Variants in GPR89B observed in about 807,000 individuals in gnomAD.
GPR89B encodes G protein-coupled receptor 89B.
GPR89B carries 25 observed loss-of-function variants against 52.4 expected under a neutral mutation model. The observed-to-expected ratio is 0.48, with a 90% CI of 0.35 to 0.67. GPR89B has a LOEUF of 0.67. Ranked by LOEUF, GPR89B falls within the 30% of genes least tolerant of loss-of-function variation. The pLI, the probability that GPR89B is intolerant of heterozygous loss-of-function variation, is 0.01. For missense variants in GPR89B, 146 were observed against 450.2 expected (o/e 0.32, Z 6.11); for synonymous variants, 52 against 151.2 (o/e 0.34, Z 4.81).
intron 5 of GPR89B, among the ~76,000 whole-genome samples, chr1:147,949,502 C>T (rs1655346950): frequency 7.9e-6 from 1 of 126,786 alleles, no homozygotes; most frequent in Non-Finnish European, 1.6e-5. Flanking sequence ...AGGGGCTCCT[C>T]ACTTCCCAGT....
intron 7 of GPR89B, among the ~76,000 whole-genome samples, chr1:147,960,773 AC>A (rs1656477180): frequency 6.7e-6 from 1 of 148,994 alleles, no homozygotes; most frequent in African/African-American, 2.5e-5. Flanking sequence ...AATCACTTGA[AC>A]CCAGGAGGCA....
intron 7 of GPR89B, among the ~76,000 whole-genome samples, chr1:147,959,199 C>T (rs1156656086): frequency 3.9e-5 from 6 of 152,070 alleles, no homozygotes; most frequent in African/African-American, 7.3e-5. Context: ...AAGAGGCATA[C>T]GTCTTCCTGT....
the GPR89B span, among the ~76,000 whole-genome samples, chr1:148,020,573 T>C: frequency 6.6e-6 from 1 of 151,074 alleles, no homozygotes. Context: ...CTGTGGGTTT[T>C]ACATTTACTT....
chr1:147,932,041 TG>T (rs1423585026), intron 1 of GPR89B, among the ~76,000 whole-genome samples: 1 of 152,202 alleles, frequency 6.6e-6, no homozygotes, highest in African/African-American at 2.4e-5. Flanking sequence ...TTAAAATTTT[TG>T]CTTGTTTTCT....
At chr1:147,947,896 T>C (rs1655113771) in intron 5 of GPR89B, among the ~76,000 whole-genome samples, 1 of 152,086 alleles carries the variant, frequency 6.6e-6, no homozygotes, top group Non-Finnish European at 1.5e-5. Flanking sequence ...GCAAGTAGAA[T>C]AACAGAATTT....
intron 10 of GPR89B, among the ~76,000 whole-genome samples, chr1:147,978,008 C>G (rs1260257883): frequency 1.3e-5 from 2 of 151,736 alleles, no homozygotes; most frequent in East Asian, 3.9e-4. Flanking sequence ...ATCTCAGCCT[C>G]AGCCTCAGCC....
intron 10 of GPR89B, among the ~76,000 whole-genome samples, chr1:147,971,476 T>C (rs1657464161): frequency 6.8e-6 from 1 of 146,286 alleles, no homozygotes; most frequent in Admixed American, 6.8e-5. Context: ...TTTTTTTTTT[T>C]TTTTTTTTTT....
At chr1:147,936,467 C>T (rs1654096912) in intron 1 of GPR89B, among the ~76,000 whole-genome samples, 160 bp from the exon 2 acceptor site, 1 of 152,214 alleles carries the variant, frequency 6.6e-6, no homozygotes, top group African/African-American at 2.4e-5. Flanking sequence ...TTTCCAATGT[C>T]ATGAGCTTTA....
At chr1:147,951,245 C>A (rs1553251002) in intron 5 of GPR89B, among the ~76,000 whole-genome samples, 2 of 151,618 alleles carry the variant, frequency 1.3e-5, no homozygotes, top group Admixed American at 6.6e-5. Context: ...TAATATCTAC[C>A]TCATAGGATT....
chr1:148,019,720 C>T, the GPR89B span, among the ~76,000 whole-genome samples: 14 of 152,044 alleles, frequency 9.2e-5, no homozygotes, highest in East Asian at 2.7e-3. Context: ...AAGTAAACAG[C>T]AAAAGAACGC....
At chr1:147,984,263 C>T (rs1313025584) in intron 10 of GPR89B, among the ~76,000 whole-genome samples, 11 of 151,634 alleles carry the variant, frequency 7.3e-5, no homozygotes, top group East Asian at 1.9e-4. Flanking sequence ...ACCAGCATGT[C>T]ACATGTATAC....
chr1:147,998,669 C>T, the GPR89B span, among the ~76,000 whole-genome samples: 1 of 151,030 alleles, frequency 6.6e-6, no homozygotes, highest in African/African-American at 2.4e-5. Flanking sequence ...CACTTGAGGT[C>T]AGGAGTTCGA....
intron 12 of GPR89B, 52 bp from the exon 13 acceptor site, chr1:147,992,450 G>A: frequency 3.1e-6 from 5 of 1,593,204 alleles, no homozygotes; most frequent in Non-Finnish European, 3.4e-6. Context: ...TACTGTTCGT[G>A]ACACAGGAAT....
chr1:147,942,928 CTG>C (rs1446597154), intron 3 of GPR89B, among the ~76,000 whole-genome samples: 5 of 70,264 alleles, frequency 7.1e-5, no homozygotes, highest in East Asian at 3.2e-4. Flanking sequence ...CTCATTAAAA[CTG>C]TTATAAAAAG....
chr1:147,977,331 G>C (rs1657919036), intron 10 of GPR89B, among the ~76,000 whole-genome samples: 1 of 148,414 alleles, frequency 6.7e-6, no homozygotes, highest in South Asian at 2.1e-4. Context: ...TGCACTGTTA[G>C]TCTGATGGAC....
chr1:147,995,469 A>G, downstream of GPR89B: 1 of 1,040,126 alleles, frequency 9.6e-7, no homozygotes, highest in Non-Finnish European at 1.4e-6. Context: ...TTTGTTAGTT[A>G]TCTTTACATT....
intron 10 of GPR89B, among the ~76,000 whole-genome samples, chr1:147,982,988 A>T (rs1376016411): frequency 7.8e-4 from 118 of 152,140 alleles, no homozygotes; most frequent in Middle Eastern, 6.8e-3. Flanking sequence ...ATTTTTGTAC[A>T]TTGGCACCGA....
chr1:148,019,665 C>T, the GPR89B span, among the ~76,000 whole-genome samples: 1 of 152,036 alleles, frequency 6.6e-6, no homozygotes, highest in African/African-American at 2.4e-5. Context: ...ATACCACGCT[C>T]ATTAGAAACA....
intron 5 of GPR89B, among the ~76,000 whole-genome samples, chr1:147,945,351 A>G (rs1371315252): frequency 6.7e-6 from 1 of 149,460 alleles, no homozygotes; most frequent in Middle Eastern, 3.4e-3. Flanking sequence ...CAAATGCTGG[A>G]AAAGGATATT....
Sources: gnomAD v4.1 joint callset for allele counts (sites outside exome capture counted in the v4.1 genomes callset) on GRCh38, gnomAD v4.1.1 for gene constraint, MANE v1.5 for transcripts, NCBI Gene and HGNC (gene_info 2026-07-23, HGNC 2026-07-21) for gene names.